The following SHROOM3 variants were observed in gnomAD, a reference collection of about 807,000 sequenced individuals.
SHROOM3 encodes shroom family member 3, also known as protein Shroom3.
Under a neutral mutation model 138.6 loss-of-function variants are expected in SHROOM3, and 47 were observed. That is an observed-to-expected ratio of 0.34 (90% CI 0.27 to 0.43). The LOEUF is 0.43. Ranked by LOEUF, SHROOM3 falls within the 20% of genes least tolerant of loss-of-function variation. SHROOM3 has a pLI of 1.00. For missense variants in SHROOM3, 2,491 were observed against 2,596.5 expected (o/e 0.96, Z 0.88); for synonymous variants, 1,062 against 1,063.3 (o/e 1.00, Z 0.02).
At position 76,754,360 on chromosome 4, in the gene SHROOM3, C is replaced by T. The variant is rs770799848; in HGVS notation, c.3877C>T (p.His1293Tyr). Reference sequence around the variant, plus strand: ...CCAAGAAGAGATGCTGCCGCTCTTCCACCATCTCACCCCTCGTTGGGGTGG... The same window carrying T: ...CCAAGAAGAGATGCTGCCGCTCTTCTACCATCTCACCCCTCGTTGGGGTGG... ...RGQEEMLPLFHHLTPRWGGSG... is the reference protein window; with the variant it reads ...RGQEEMLPLFYHLTPRWGGSG... The change falls in exon 7 of 11, where the codon CAC (histidine) becomes TAC (tyrosine). Residue 1293 changes from histidine to tyrosine, a missense_variant. By Grantham distance (83) the His-to-Tyr change is moderately conservative. Transcript: ENST00000296043. 10 of 1,614,050 alleles carry T rather than the reference C, an allele frequency of 6.2e-6. No individual in the cohort carries two copies. The highest frequency in any genetic ancestry group is 2.7e-5 in the African/African-American group (2 of 74,916).
At position 76,727,513 on chromosome 4, in the gene SHROOM3, GAGA is replaced by G. The variant is rs1224442754; in HGVS notation, c.456-3288_456-3286del. Among the ~76,000 whole-genome samples the G allele has an allele frequency of 4.6e-5, 7 of 152,308 alleles. No individual in the cohort carries two copies. The East Asian group carries it at 1.4e-3, about 29-fold the overall frequency. On this transcript the variant is annotated intron_variant, in intron 3 of 10. Coordinates refer to ENST00000296043, the MANE Select transcript of SHROOM3 (RefSeq NM_020859.4). ...CTGGGGACTTTGGTGTCCAAAATTA[GAGA>G]AGGACTAGCAGCAAGAATACTGAAC...
chr4:76,659,216 C>T (rs899363563), intron 2 of SHROOM3, among the ~76,000 whole-genome samples: 1 of 152,174 alleles, frequency 6.6e-6, no homozygotes, highest in Non-Finnish European at 1.5e-5. Flanking sequence ...CAAAGCACTT[C>T]CCGATGTGAA....
At chr4:76,615,862 G>A (rs912235320) in intron 2 of SHROOM3, among the ~76,000 whole-genome samples, 4 of 152,178 alleles carry the variant, frequency 2.6e-5, no homozygotes, top group African/African-American at 9.7e-5. Flanking sequence ...ATCAAGTGAG[G>A]AAGACAACGC....
At chr4:76,480,496 T>C (rs1038808642) in intron 1 of SHROOM3, among the ~76,000 whole-genome samples, 3 of 152,088 alleles carry the variant, frequency 2.0e-5, no homozygotes, top group Non-Finnish European at 4.4e-5. Flanking sequence ...AGCAAGTTCT[T>C]AGAGACCTAC....
At chr4:76,577,263 T>C (rs959460876) in intron 2 of SHROOM3, among the ~76,000 whole-genome samples, 1 of 152,208 alleles carries the variant, frequency 6.6e-6, no homozygotes, top group Admixed American at 6.5e-5. Context: ...GTGGTCTATA[T>C]CTTTCTACAT....
chr4:76,689,825 G>A, intron 2 of SHROOM3: 1 of 902,320 alleles, frequency 1.1e-6, no homozygotes, highest in Non-Finnish European at 1.3e-6. Context: ...ATGGCTCCCA[G>A]GGGCTTTCAC....
rs983893453 is a variant in SHROOM3, at chr4:76,727,991, C to CA, written c.456-2803dup. On this transcript the variant is annotated intron_variant, in intron 3 of 10. Coordinates refer to ENST00000296043, the MANE Select transcript of SHROOM3 (RefSeq NM_020859.4). ...TGACATGGTGAAACCCCGTCTCTAC[C>CA]AAAAAAAAAAGAAATGCAAGAAAAA... is the stretch of plus-strand genomic sequence containing the variant. Among the ~76,000 whole-genome samples, 554 of 146,456 alleles carry CA rather than the reference C, an allele frequency of 3.8e-3. 4 individuals are homozygous for CA. The highest frequency in any genetic ancestry group is 0.021 in the East Asian group (109 of 5,074).
chr4:76,724,800 C>A (rs1720652030), intron 3 of SHROOM3, among the ~76,000 whole-genome samples: 1 of 152,132 alleles, frequency 6.6e-6, no homozygotes, highest in Non-Finnish European at 1.5e-5. Flanking sequence ...TATGGATATA[C>A]CACACTGAGT....
intron 2 of SHROOM3, among the ~76,000 whole-genome samples, chr4:76,625,658 C>T (rs1411870706): frequency 6.6e-6 from 1 of 152,192 alleles, no homozygotes; most frequent in African/African-American, 2.4e-5. Flanking sequence ...ACTCCAATCG[C>T]CGAGAACCAT....
chr4:76,535,746 C>T (rs561693451), intron 1 of SHROOM3, among the ~76,000 whole-genome samples: 6 of 152,336 alleles, frequency 3.9e-5, no homozygotes, highest in East Asian at 1.9e-4. Flanking sequence ...GGGAGTTTGG[C>T]TGGGAGCCAT....
chr4:76,549,909 TC>T (rs1733312702), intron 1 of SHROOM3, among the ~76,000 whole-genome samples: 1 of 152,126 alleles, frequency 6.6e-6, no homozygotes, highest in Non-Finnish European at 1.5e-5. Flanking sequence ...ATTCAAGTCC[TC>T]CCTTGGACCT....
At chr4:76,617,976 T>C (rs1397758542) in intron 2 of SHROOM3, among the ~76,000 whole-genome samples, 1 of 152,324 alleles carries the variant, frequency 6.6e-6, no homozygotes, top group Middle Eastern at 3.4e-3. Context: ...AGAAACAAGA[T>C]GCTGGCAAGC....
intron 2 of SHROOM3, among the ~76,000 whole-genome samples, chr4:76,606,017 T>A (rs1357548896): frequency 1.6e-4 from 21 of 132,254 alleles, no homozygotes; most frequent in East Asian, 6.4e-4. Flanking sequence ...ATTTTTTTTT[T>A]TTTTTTTTTT....
intron 2 of SHROOM3, among the ~76,000 whole-genome samples, chr4:76,624,297 A>T (rs1735074157): frequency 6.6e-6 from 1 of 152,054 alleles, no homozygotes; most frequent in Non-Finnish European, 1.5e-5. Context: ...GCTTGCCAAT[A>T]GAGGTTTTCT....
intron 2 of SHROOM3, among the ~76,000 whole-genome samples, chr4:76,658,984 T>C (rs1261457011): frequency 6.6e-6 from 1 of 151,538 alleles, no homozygotes; most frequent in Non-Finnish European, 1.5e-5. Flanking sequence ...AACCCACCAC[T>C]GACTCACTGG....
chr4:76,540,113 G>A (rs1185627026), intron 1 of SHROOM3, among the ~76,000 whole-genome samples: 1 of 152,206 alleles, frequency 6.6e-6, no homozygotes, highest in Non-Finnish European at 1.5e-5. Flanking sequence ...CTCCCAAAAT[G>A]CTGGGATTAC....
intron 2 of SHROOM3, among the ~76,000 whole-genome samples, chr4:76,641,908 G>A (rs1157876515): frequency 3.3e-5 from 5 of 152,206 alleles, no homozygotes; most frequent in Non-Finnish European, 7.3e-5. Flanking sequence ...GGAGAGGCAG[G>A]TGCTGGGGAG....
chr4:76,435,832 G>A lies in SHROOM3; in HGVS notation c.-221G>A, dbSNP rs1475395748. 1 of 521,834 alleles carries A rather than the reference G, an allele frequency of 1.9e-6. No individual in the cohort carries two copies. Among genetic ancestry groups the A allele is most frequent in the East Asian group, 3.2e-5 (1 of 31,416 alleles). 32.3% of individuals were successfully genotyped at this position (521,834 alleles called of 1,614,324 possible). ...GTGAGAACCCAGAATTCCTGGAGGA[G>A]GATTTACATTCAGAAATGTTGAAGT... On this transcript the variant is annotated 5_prime_UTR_variant, in exon 1 of 11. Coordinates refer to ENST00000296043, the MANE Select transcript of SHROOM3 (RefSeq NM_020859.4).
chr4:76,522,036 A>G (rs1732576851), intron 1 of SHROOM3, among the ~76,000 whole-genome samples: 1 of 152,116 alleles, frequency 6.6e-6, no homozygotes, highest in Non-Finnish European at 1.5e-5. Context: ...ATATTAAACA[A>G]TTAAACTCTT....
Sources: allele counts gnomAD v4.1 joint callset (sites outside exome capture counted in the v4.1 genomes callset), GRCh38; gene constraint gnomAD v4.1.1; transcripts MANE v1.5; gene names NCBI Gene and HGNC (gene_info 2026-07-23, HGNC 2026-07-21).